Variants in AMMECR1 observed in about 807,000 individuals in gnomAD.
AMMECR1 encodes the protein nuclear protein AMMECR1.
A neutral mutation model predicts 22.5 loss-of-function variants in AMMECR1; 3 were observed. That is an observed-to-expected ratio of 0.13 (90% confidence interval 0.06 to 0.35). AMMECR1 has a LOEUF of 0.35. Among genes scored for constraint, AMMECR1 ranks in the 10% least tolerant of loss-of-function variants. The pLI is 1.00. For synonymous variants in AMMECR1, 130 were observed against 116.7 expected, an observed-to-expected ratio of 1.11 and a Z score of -0.74; for missense variants, 235 against 278.7, an observed-to-expected ratio of 0.84 and a Z score of 1.12.
chrX:110,323,571 C>T (rs2068086888), intron 2 of AMMECR1, among the ~76,000 whole-genome samples: 1 of 112,534 alleles, frequency 8.9e-6, no homozygotes, highest in African/African-American at 3.2e-5. Flanking sequence ...TATGTTGTAG[C>T]ATCTACCAGT....
At chrX:110,331,067 G>A (rs766605938) in intron 2 of AMMECR1, among the ~76,000 whole-genome samples, 47 of 108,554 alleles carry the variant, frequency 4.3e-4, no homozygotes, top group Non-Finnish European at 9.5e-5. Flanking sequence ...CCCTTCATTC[G>A]AGGACCTCTC....
At chrX:110,332,098 T>C (rs2068123108) in intron 2 of AMMECR1, among the ~76,000 whole-genome samples, 1 of 111,558 alleles carries the variant, frequency 9.0e-6, no homozygotes, top group Non-Finnish European at 1.9e-5. Flanking sequence ...ATGTTGTGAA[T>C]CTTTATGTCC....
At chrX:110,400,603 T>C (rs1294948017) in intron 2 of AMMECR1, among the ~76,000 whole-genome samples, 1 of 111,724 alleles carries the variant, frequency 9.0e-6, no homozygotes. Context: ...TAACATATGC[T>C]ATTCCCTTTA....
chrX:110,336,171 G>C (rs1008707743), intron 2 of AMMECR1, among the ~76,000 whole-genome samples: 1 of 111,670 alleles, frequency 9.0e-6, no homozygotes, highest in Non-Finnish European at 1.9e-5. Context: ...GAGAAAGTGA[G>C]CAAGGATTGG....
intron 2 of AMMECR1, among the ~76,000 whole-genome samples, chrX:110,224,034 T>C (rs2067518423): frequency 9.0e-6 from 1 of 111,683 alleles, no homozygotes; most frequent in Non-Finnish European, 1.9e-5. Flanking sequence ...AAAATAATAA[T>C]AACTGCACAA....
chrX:110,410,693 G>A (rs1286926558), intron 2 of AMMECR1, among the ~76,000 whole-genome samples: 1 of 111,692 alleles, frequency 9.0e-6, no homozygotes, highest in Non-Finnish European at 1.9e-5. Context: ...GGAGGGAGAA[G>A]GGAAACATTA....
intron 3 of AMMECR1, among the ~76,000 whole-genome samples, chrX:110,215,384 A>G (rs2067468521): frequency 1.8e-5 from 2 of 111,820 alleles, no homozygotes; most frequent in South Asian, 7.4e-4. Flanking sequence ...TATTCTGTAT[A>G]TTGGAAAACT....
At chrX:110,281,765 T>C (rs1476280113) in intron 1 of AMMECR1, among the ~76,000 whole-genome samples, 1 of 112,469 alleles carries the variant, frequency 8.9e-6, no homozygotes, top group Non-Finnish European at 1.9e-5. Flanking sequence ...GGGTCACTGA[T>C]AGATACCACA....
intron 4 of AMMECR1, 27 bp from the exon 5 acceptor site, chrX:110,201,077 T>C: frequency 9.8e-7 from 1 of 1,023,192 alleles, no homozygotes; most frequent in Non-Finnish European, 1.4e-6. Flanking sequence ...AGATAAAATA[T>C]CAGTCAAGCA....
intron 1 of AMMECR1, among the ~76,000 whole-genome samples, chrX:110,280,105 C>T (rs192470460): frequency 1.8e-5 from 2 of 110,970 alleles, no homozygotes; most frequent in African/African-American, 6.5e-5. Context: ...CTTTGAAATC[C>T]TTATAACAAC....
chrX:110,375,745 T>C (rs1002991135), intron 2 of AMMECR1, among the ~76,000 whole-genome samples: 1 of 112,336 alleles, frequency 8.9e-6, no homozygotes, highest in Non-Finnish European at 1.9e-5. Flanking sequence ...CTATTTGTAG[T>C]ACTTTAAGGG....
At chrX:110,429,047 T>C (rs776518857) in intron 1 of AMMECR1, among the ~76,000 whole-genome samples, 1 of 111,838 alleles carries the variant, frequency 8.9e-6, no homozygotes, top group South Asian at 3.8e-4. Context: ...TCTACCCCAC[T>C]AGCCAATTCA....
intron 2 of AMMECR1, among the ~76,000 whole-genome samples, chrX:110,234,896 A>G (rs1450328117): frequency 8.9e-6 from 1 of 112,219 alleles, no homozygotes; most frequent in African/African-American, 3.2e-5. Flanking sequence ...AACCTATGCA[A>G]TACCATTCAG....
chrX:110,322,927 A>T (rs1338762559), upstream of AMMECR1, among the ~76,000 whole-genome samples: 1 of 111,446 alleles, frequency 9.0e-6, no homozygotes, highest in Non-Finnish European at 1.9e-5. Context: ...CAGATCCTCC[A>T]TCTGGCCCCT....
intron 2 of AMMECR1, among the ~76,000 whole-genome samples, chrX:110,256,908 T>C (rs1361231009): frequency 2.7e-5 from 3 of 111,621 alleles, no homozygotes; most frequent in African/African-American, 6.5e-5. Flanking sequence ...ATTCCTAACA[T>C]TGTCCCCTTA....
At chrX:110,401,306 A>G (rs2068562934) in intron 2 of AMMECR1, among the ~76,000 whole-genome samples, 1 of 110,785 alleles carries the variant, frequency 9.0e-6, no homozygotes, top group Non-Finnish European at 1.9e-5. Flanking sequence ...TAGTGTCTTC[A>G]GACTCCCAGT....
chrX:110,218,425 T>C (rs933130151), intron 2 of AMMECR1, among the ~76,000 whole-genome samples: 1 of 110,724 alleles, frequency 9.0e-6, no homozygotes, highest in African/African-American at 3.3e-5. Flanking sequence ...AAGTATATAG[T>C]TCTGTAAAAT....
chrX:110,372,811 T>A (rs894489283), intron 2 of AMMECR1, among the ~76,000 whole-genome samples: 2 of 111,269 alleles, frequency 1.8e-5, no homozygotes, highest in Non-Finnish European at 3.8e-5. Flanking sequence ...GAGCATAAAT[T>A]GACATTTCAC....
chrX:110,345,253 C>A (rs1325503812), intron 2 of AMMECR1, among the ~76,000 whole-genome samples: 1 of 110,062 alleles, frequency 9.1e-6, no homozygotes, highest in East Asian at 2.8e-4. Context: ...GGACAAAAAA[C>A]CAAACACCGC....
Sources: allele counts gnomAD v4.1 joint callset (sites outside exome capture counted in the v4.1 genomes callset), GRCh38; gene constraint gnomAD v4.1.1; transcripts MANE v1.5; gene names NCBI Gene and HGNC (gene_info 2026-07-23, HGNC 2026-07-21).